The following SGCZ variants were observed in gnomAD, a reference collection of about 807,000 sequenced individuals.
The protein encoded by SGCZ is sarcoglycan zeta.
A neutral mutation model predicts 41.3 loss-of-function variants in SGCZ; 40 were observed. The ratio of observed to expected loss-of-function variants is 0.97; its 90% CI spans 0.75 to 1.26. The LOEUF (loss-of-function observed/expected upper bound fraction) is 1.26. Among genes scored for constraint, SGCZ ranks in the 50% most tolerant of loss-of-function variants. SGCZ has a pLI of 0.00. For synonymous variants in SGCZ, 206 were observed against 137.5 expected (o/e 1.50, Z -3.49); for missense variants, 552 against 369.8 (o/e 1.49, Z -4.04).
chr8:15,158,166 C>CAAAA (rs34637082), intron 1 of SGCZ, among the ~76,000 whole-genome samples: 3 of 147,148 alleles, frequency 2.0e-5, no homozygotes, highest in East Asian at 2.0e-4. Flanking sequence ...TAGTTTGCCA[C>CAAAA]AAAAAAAAAA....
chr8:15,164,622 A>T, intron 1 of SGCZ, among the ~76,000 whole-genome samples: 1 of 144,770 alleles, frequency 6.9e-6, no homozygotes, highest in Admixed American at 6.9e-5. Flanking sequence ...CCCCATCAGC[A>T]GTTAAGTTTT....
chr8:14,385,422 G>A (rs1484837798), intron 2 of SGCZ, among the ~76,000 whole-genome samples: 1 of 152,208 alleles, frequency 6.6e-6, no homozygotes, highest in Non-Finnish European at 1.5e-5. Flanking sequence ...TAGGGTAGTA[G>A]TGGAAAAGTA....
At chr8:14,244,466 AC>A (rs1342120256) in intron 3 of SGCZ, among the ~76,000 whole-genome samples, 1 of 152,226 alleles carries the variant, frequency 6.6e-6, no homozygotes, top group African/African-American at 2.4e-5. Flanking sequence ...AATAAAAAGT[AC>A]CAGTACCATG....
At chr8:14,820,123 T>A (rs941409097) in intron 1 of SGCZ, among the ~76,000 whole-genome samples, 1 of 151,906 alleles carries the variant, frequency 6.6e-6, no homozygotes, top group African/African-American at 2.4e-5. Flanking sequence ...TAACTATACA[T>A]AGCATGCAAG....
intron 1 of SGCZ, among the ~76,000 whole-genome samples, chr8:15,096,871 G>A (rs187354790): frequency 2.0e-5 from 3 of 151,950 alleles, no homozygotes; most frequent in African/African-American, 7.3e-5. Context: ...TATTTTAGTA[G>A]AGATGGGGTT....
intron 1 of SGCZ, among the ~76,000 whole-genome samples, chr8:15,185,415 C>T (rs1800302951): frequency 6.6e-6 from 1 of 152,090 alleles, no homozygotes; most frequent in South Asian, 2.1e-4. Context: ...CCGTGTTCAC[C>T]ATGAAGTTTT....
At chr8:15,209,579 T>G (rs1041013684) in intron 1 of SGCZ, among the ~76,000 whole-genome samples, 2 of 152,068 alleles carry the variant, frequency 1.3e-5, no homozygotes, top group African/African-American at 4.8e-5. Flanking sequence ...TAGTTCTTTT[T>G]GTGGGATAGA....
intron 1 of SGCZ, among the ~76,000 whole-genome samples, chr8:15,023,959 G>T (rs1213659284): frequency 6.6e-6 from 1 of 152,168 alleles, no homozygotes; most frequent in Non-Finnish European, 1.5e-5. Context: ...AGAAGATTAT[G>T]GAGTGCAGAA....
In SGCZ at chr8:14,549,119, T is replaced by C. The variant is rs1322445611; in HGVS notation, c.234+5613A>G. The stretch of plus-strand genomic sequence containing the variant: ...TATCTTGCCTTAAGGTAGAGTAGTA[T>C]GGAAAATAGCGACTTTAAGTAAAAT... On this transcript the variant is annotated intron_variant, in intron 2 of 7. Transcript: ENST00000382080. Among the ~76,000 whole-genome samples the C allele has an allele frequency of 2.0e-5, 3 of 151,992 alleles. No homozygotes were observed. In the East Asian group the frequency reaches 5.9e-4, roughly 30 times the overall value.
chr8:14,956,027 A>T (rs1800780738), intron 1 of SGCZ, among the ~76,000 whole-genome samples: 1 of 145,058 alleles, frequency 6.9e-6, no homozygotes, highest in African/African-American at 2.6e-5. Context: ...TGTAGGTAGG[A>T]CACTACTTTT....
chr8:14,683,757 T>C (rs1400408537), intron 1 of SGCZ, among the ~76,000 whole-genome samples: 2 of 152,132 alleles, frequency 1.3e-5, no homozygotes, highest in Non-Finnish European at 1.5e-5. Context: ...TTTCAAAAAA[T>C]ATTGCCATCA....
At chr8:15,200,759 A>T (rs188627120) in intron 1 of SGCZ, among the ~76,000 whole-genome samples, 3 of 152,086 alleles carry the variant, frequency 2.0e-5, no homozygotes, top group Non-Finnish European at 4.4e-5. Context: ...TCATTTAGAG[A>T]TGAGGAAAAT....
intron 1 of SGCZ, among the ~76,000 whole-genome samples, chr8:14,754,591 C>T (rs2248500): frequency 0.67 from 101,471 of 152,084 alleles, 34,075 homozygotes; most frequent in East Asian, 0.81. Context: ...CAATAAATAG[C>T]TGTAGAAGAA....
chr8:14,289,757 A>C (rs1800775710), intron 3 of SGCZ, among the ~76,000 whole-genome samples: 1 of 152,044 alleles, frequency 6.6e-6, no homozygotes, highest in South Asian at 2.1e-4. Context: ...CTGCATATAC[A>C]TATATAGAAG....
At chr8:14,541,752 T>G (rs913103376) in intron 2 of SGCZ, among the ~76,000 whole-genome samples, 1 of 152,112 alleles carries the variant, frequency 6.6e-6, no homozygotes, top group Non-Finnish European at 1.5e-5. Context: ...CCATTAACAG[T>G]GTAAAAGCAG....
intron 1 of SGCZ, among the ~76,000 whole-genome samples, chr8:15,131,888 A>G (rs1807920613): frequency 6.6e-6 from 1 of 152,206 alleles, no homozygotes; most frequent in African/African-American, 2.4e-5. Flanking sequence ...CAAGCTCTTC[A>G]TCTTTCCTAT....
chr8:14,158,048 G>A (rs1803930201), intron 5 of SGCZ, among the ~76,000 whole-genome samples: 1 of 151,714 alleles, frequency 6.6e-6, no homozygotes, highest in Non-Finnish European at 1.5e-5. Context: ...CCAGGGTGCT[G>A]GTAATTGTGC....
chr8:14,842,040 T>C (rs902370541), intron 1 of SGCZ, among the ~76,000 whole-genome samples: 6 of 152,184 alleles, frequency 3.9e-5, no homozygotes, highest in African/African-American at 1.4e-4. Flanking sequence ...GTGGTGAACA[T>C]CAGCTTCATC....
chr8:14,419,124 T>C (rs2117300121), intron 2 of SGCZ, among the ~76,000 whole-genome samples: 1 of 151,890 alleles, frequency 6.6e-6, no homozygotes, highest in Admixed American at 6.6e-5. Flanking sequence ...AAAAGTATAA[T>C]AAAAATATTT....
Sources: allele counts gnomAD v4.1 joint callset (sites outside exome capture counted in the v4.1 genomes callset), GRCh38; gene constraint gnomAD v4.1.1; transcripts MANE v1.5; gene names NCBI Gene and HGNC (gene_info 2026-07-23, HGNC 2026-07-21).